Variants in MBD5 observed in about 807,000 individuals in gnomAD.
MBD5 encodes the protein methyl-CpG-binding domain protein 5.
In MBD5, 13 loss-of-function variants were observed where a neutral mutation model predicts 117.3. The ratio of observed to expected loss-of-function variants is 0.11; its 90% CI spans 0.07 to 0.18. MBD5 has a LOEUF of 0.18. Ranked by LOEUF, MBD5 falls within the 10% of genes least tolerant of loss-of-function variation. The pLI, the probability that MBD5 is intolerant of heterozygous loss-of-function variation, is 1.00. For synonymous variants in MBD5, 727 were observed against 766.4 expected, an observed-to-expected ratio of 0.95 and a Z score of 0.85; for missense variants, 1,879 against 2,093.8, an observed-to-expected ratio of 0.90 and a Z score of 2.00.
intron 1 of MBD5, among the ~76,000 whole-genome samples, chr2:148,097,617 T>C (rs956700352): frequency 1.3e-5 from 2 of 152,214 alleles, no homozygotes; most frequent in Non-Finnish European, 2.9e-5. Context: ...CAGGATGTTT[T>C]GAAGGGCCAG....
chr2:148,470,791 C>T (rs1173288179), intron 8 of MBD5: 1 of 346,758 alleles, frequency 2.9e-6, no homozygotes, highest in Non-Finnish European at 5.2e-6. Flanking sequence ...GTTTGTGAGA[C>T]ATGTCCTTGG....
intron 1 of MBD5, among the ~76,000 whole-genome samples, chr2:148,052,313 C>T (rs183855405): frequency 7.0e-6 from 1 of 143,596 alleles, no homozygotes; most frequent in African/African-American, 2.5e-5. Context: ...CAGGTTCAAG[C>T]AATTCCCCTG....
At chr2:148,393,833 C>G (rs1429671512) in intron 4 of MBD5, among the ~76,000 whole-genome samples, 1 of 152,122 alleles carries the variant, frequency 6.6e-6, no homozygotes, top group African/African-American at 2.4e-5. Flanking sequence ...AACTCTAATT[C>G]ACCTGAAAGA....
At chr2:148,471,898 A>G (rs1680810073) in intron 8 of MBD5, 1 of 152,080 alleles carries the variant, frequency 6.6e-6, no homozygotes, top group South Asian at 2.1e-4. Context: ...TGAAAATTTT[A>G]TTTTATCTAT....
intron 2 of MBD5, among the ~76,000 whole-genome samples, chr2:148,180,092 T>C (rs1327993865): frequency 1.3e-5 from 2 of 151,798 alleles, no homozygotes; most frequent in Non-Finnish European, 2.9e-5. Context: ...TTTTTTCTCC[T>C]TAATTTGTGG....
chr2:148,465,133 C>T (rs1296738178), intron 7 of MBD5, among the ~76,000 whole-genome samples: 1 of 152,042 alleles, frequency 6.6e-6, no homozygotes, highest in Non-Finnish European at 1.5e-5. Context: ...CACGATGTTC[C>T]TCAGTTTGGA....
At chr2:148,359,779 C>T (rs747114555) in intron 4 of MBD5, among the ~76,000 whole-genome samples, 3 of 152,130 alleles carry the variant, frequency 2.0e-5, no homozygotes, top group Non-Finnish European at 4.4e-5. Context: ...AATTGTTGTG[C>T]TGGCATATGT....
rs541099158 is a variant in MBD5, at chr2:148,412,502, T to C, written c.-556-45701T>C. Among the ~76,000 whole-genome samples, 12 of 152,188 alleles carry C rather than the reference T, an allele frequency of 7.9e-5. No individual in the cohort carries two copies. The South Asian group carries it at 1.5e-3, about 18-fold the overall frequency. On this transcript the variant is annotated intron_variant, in intron 4 of 13. Transcript: ENST00000642680. ...TTTTCTAATTCCATGAAGACTGTCA[T>C]TGGTAGTTTTGTAGGAATAGCATTG...
intron 3 of MBD5, among the ~76,000 whole-genome samples, chr2:148,235,470 G>T (rs1388124186): frequency 6.6e-6 from 1 of 152,028 alleles, no homozygotes; most frequent in Non-Finnish European, 1.5e-5. Flanking sequence ...TAATTAATAA[G>T]CCACAGATAT....
At chr2:148,214,138 TTTAACA>T (rs1477848143) in intron 2 of MBD5, among the ~76,000 whole-genome samples, 1 of 152,216 alleles carries the variant, frequency 6.6e-6, no homozygotes, top group Non-Finnish European at 1.5e-5. Context: ...TATTACTGCC[TTTAACA>T]TTAACTCTGT....
intron 7 of MBD5, among the ~76,000 whole-genome samples, chr2:148,465,713 C>A (rs1707239868): frequency 6.6e-6 from 1 of 152,034 alleles, no homozygotes; most frequent in South Asian, 2.1e-4. Flanking sequence ...TAAATTGGGG[C>A]CAAATTACTG....
chr2:148,035,065 A>G (rs1694153209), intron 1 of MBD5, among the ~76,000 whole-genome samples: 1 of 152,158 alleles, frequency 6.6e-6, no homozygotes, highest in South Asian at 2.1e-4. Context: ...ACTATGAATG[A>G]TAGAGTATGA....
intron 4 of MBD5, among the ~76,000 whole-genome samples, chr2:148,413,257 A>G (rs748658217): frequency 2.0e-5 from 3 of 152,112 alleles, no homozygotes; most frequent in African/African-American, 7.2e-5. Context: ...TCGTATGATA[A>G]ATCACATTTA....
chr2:148,023,536 A>C (rs1259462720), intron 1 of MBD5, among the ~76,000 whole-genome samples: 1 of 152,184 alleles, frequency 6.6e-6, no homozygotes, highest in Admixed American at 6.5e-5. Context: ...AATCTGTGCC[A>C]AGTTCAAGTT....
chr2:148,200,334 G>A (rs1322517058), intron 2 of MBD5, among the ~76,000 whole-genome samples: 4 of 152,128 alleles, frequency 2.6e-5, no homozygotes, highest in Non-Finnish European at 5.9e-5. Flanking sequence ...ATACAATCCA[G>A]TTTTTATAAA....
chr2:148,181,828 T>C (rs1249187396), intron 2 of MBD5, among the ~76,000 whole-genome samples: 1 of 152,166 alleles, frequency 6.6e-6, no homozygotes, highest in Non-Finnish European at 1.5e-5. Context: ...AGATTTTAAA[T>C]ATCCCATTAA....
chr2:148,492,870 T>C (rs2105152578), intron 11 of MBD5, among the ~76,000 whole-genome samples: 1 of 152,216 alleles, frequency 6.6e-6, no homozygotes, highest in East Asian at 1.9e-4. Context: ...CAAAACGTGA[T>C]GTATTTCAGA....
intron 2 of MBD5, among the ~76,000 whole-genome samples, chr2:148,222,626 ATTTG>A (rs1699718327): frequency 6.6e-6 from 1 of 151,812 alleles, no homozygotes; most frequent in African/African-American, 2.4e-5. Flanking sequence ...ACTTTACTAA[ATTTG>A]TTTATCAGTT....
intron 3 of MBD5, among the ~76,000 whole-genome samples, chr2:148,307,430 G>A (rs1218303695): frequency 1.3e-5 from 2 of 151,886 alleles, no homozygotes; most frequent in Admixed American, 1.3e-4. Flanking sequence ...CATCCATTCA[G>A]TTTTTATCAT....
Sources: allele counts gnomAD v4.1 joint callset (sites outside exome capture counted in the v4.1 genomes callset), GRCh38; gene constraint gnomAD v4.1.1; transcripts MANE v1.5; gene names NCBI Gene and HGNC (gene_info 2026-07-23, HGNC 2026-07-21).